TPPP: variants seen among roughly 807,000 people sequenced by gnomAD.
TPPP encodes tubulin polymerization promoting protein.
TPPP carries 6 observed loss-of-function variants against 15.5 expected under a neutral mutation model. That is an observed-to-expected ratio of 0.39 (90% CI 0.21 to 0.77). TPPP has a LOEUF of 0.77. Ranked by LOEUF, TPPP falls within the 30% of genes least tolerant of loss-of-function variation. The probability of loss-of-function intolerance (pLI) is 0.42; values close to 1 mark genes in which losing one functional copy is unlikely to be tolerated. For missense variants in TPPP, 269 were observed against 307.2 expected (o/e 0.88, Z 0.93); for synonymous variants, 146 against 133.9 (o/e 1.09, Z -0.63).
intron 1 of TPPP, among the ~76,000 whole-genome samples, chr5:683,203 T>A (rs1320908269): frequency 6.6e-6 from 1 of 152,190 alleles, no homozygotes. Context: ...TCCTCATCCT[T>A]GAAGGGGTGC....
At chr5:684,805 G>A (rs1397876325) in intron 1 of TPPP, among the ~76,000 whole-genome samples, 2 of 152,126 alleles carry the variant, frequency 1.3e-5, no homozygotes, top group African/African-American at 2.4e-5. Flanking sequence ...CCTGTGAACC[G>A]CCCCACTCTT....
intron 2 of TPPP, among the ~76,000 whole-genome samples, chr5:675,459 AGCACAG>A (rs1740391264): frequency 9.2e-5 from 3 of 32,440 alleles, no homozygotes; most frequent in African/African-American, 4.9e-4. Flanking sequence ...GCTGGGGTGC[AGCACAG>A]GGGGTGCAGT....
chr5:685,713 G>T (rs1220349527), intron 1 of TPPP, among the ~76,000 whole-genome samples: 2 of 152,226 alleles, frequency 1.3e-5, no homozygotes, highest in Non-Finnish European at 2.9e-5. Context: ...GCCCCCATCT[G>T]CAGAGTGTGG....
At chr5:675,284 A>C (rs1330736782) in intron 2 of TPPP, among the ~76,000 whole-genome samples, 3 of 74,896 alleles carry the variant, frequency 4.0e-5, no homozygotes, top group South Asian at 1.2e-3. Flanking sequence ...CAGGGGGTTC[A>C]GTGTGGCCAG....
At chr5:700,626 G>A in the TPPP span, among the ~76,000 whole-genome samples, 1 of 151,920 alleles carries the variant, frequency 6.6e-6, no homozygotes, top group Non-Finnish European at 1.5e-5. Flanking sequence ...TTGCATCTCA[G>A]AATAAGATTT....
At chr5:680,249 C>T (rs1189500499) in intron 1 of TPPP, among the ~76,000 whole-genome samples, 2 of 115,232 alleles carry the variant, frequency 1.7e-5, no homozygotes, top group African/African-American at 8.3e-5. Flanking sequence ...CGGTGGGGGC[C>T]GTGGGGGAGA....
At chr5:668,797 C>T (rs1410274206) in intron 2 of TPPP, among the ~76,000 whole-genome samples, 1 of 152,238 alleles carries the variant, frequency 6.6e-6, no homozygotes, top group African/African-American at 2.4e-5. Flanking sequence ...CAGCAGCGGC[C>T]AGACCACAGT....
intron 2 of TPPP, among the ~76,000 whole-genome samples, chr5:669,662 G>C (rs1740127510): frequency 1.3e-5 from 2 of 152,146 alleles, no homozygotes; most frequent in Admixed American, 6.5e-5. Context: ...CTCGGCGGGA[G>C]GGGGATGGCT....
At chr5:678,819 G>C (rs1740535815) in intron 1 of TPPP, among the ~76,000 whole-genome samples, 1 of 152,340 alleles carries the variant, frequency 6.6e-6, no homozygotes, top group Non-Finnish European at 1.5e-5. Context: ...GGGCCATGGG[G>C]TTGAGAAGAC....
At chr5:671,569 A>G (rs1192096745) in intron 2 of TPPP, among the ~76,000 whole-genome samples, 1 of 152,192 alleles carries the variant, frequency 6.6e-6, no homozygotes, top group Non-Finnish European at 1.5e-5. Context: ...AGCGCAGGAG[A>G]CGGGTGCCTG....
the TPPP span, among the ~76,000 whole-genome samples, chr5:698,842 TG>T: frequency 6.6e-6 from 1 of 152,008 alleles, no homozygotes; most frequent in Non-Finnish European, 1.5e-5. Context: ...ACAAAATTAA[TG>T]TACAGAAATC....
chr5:682,663 C>G (rs1212271018), intron 1 of TPPP, among the ~76,000 whole-genome samples: 1 of 152,240 alleles, frequency 6.6e-6, no homozygotes, highest in Non-Finnish European at 1.5e-5. Flanking sequence ...GAGCCTGTAA[C>G]TAGGGCCTGG....
chr5:685,909 C>T (rs1040906493), intron 1 of TPPP, among the ~76,000 whole-genome samples: 1 of 152,194 alleles, frequency 6.6e-6, no homozygotes, highest in Admixed American at 6.5e-5. Context: ...ATGGAACATT[C>T]CAGAGCACTA....
the TPPP span, among the ~76,000 whole-genome samples, chr5:698,907 C>T: frequency 1.3e-5 from 2 of 151,950 alleles, no homozygotes; most frequent in Non-Finnish European, 2.9e-5. Context: ...ATCAGGAAGG[C>T]AATCTCATTT....
chr5:698,423 C>T, the TPPP span, among the ~76,000 whole-genome samples: 17 of 152,000 alleles, frequency 1.1e-4, no homozygotes, highest in Admixed American at 5.9e-4. Flanking sequence ...ACCCTGAAGA[C>T]TTGTATCACT....
intron 2 of TPPP, chr5:676,348 G>A (rs751751427): frequency 2.6e-5 from 4 of 152,238 alleles, no homozygotes; most frequent in African/African-American, 9.7e-5. Flanking sequence ...CAGCAGAGAC[G>A]GAACAGCTGC....
At chr5:665,417 C>A (rs1739855242) in intron 3 of TPPP, 121 bp from the exon 4 acceptor site, 2 of 913,372 alleles carry the variant, frequency 2.2e-6, no homozygotes, top group Admixed American at 2.8e-5. Context: ...GGGCATAAAC[C>A]CTGGGATTTA....
At position 665,291 on chromosome 5, in the gene TPPP, G is replaced by A; in HGVS notation, c.471C>T (p.Ala157=). Residue 157 remains alanine, a synonymous_variant, in exon 4 of 4, where the codon GCC becomes GCT. Coordinates refer to ENST00000360578, the MANE Select transcript of TPPP (RefSeq NM_007030.3). The stretch of plus-strand genomic sequence containing the variant: ...GCCTCGACACTGTGGGCGACGAGAT[G>A]GCTTTCTGCAAGAGGAGCAGGAGGA... The part of the protein sequence containing the change: ...KAPIISGVTK[A]ISSPTVSRLT... 1 of 1,612,442 alleles carries A rather than the reference G, an allele frequency of 6.2e-7. No homozygotes were observed. The highest frequency in any genetic ancestry group is 8.5e-7 in the Non-Finnish European group (1 of 1,179,454).
intron 2 of TPPP, among the ~76,000 whole-genome samples, chr5:672,589 G>C (rs146077670): frequency 0.012 from 1,847 of 152,346 alleles, 44 homozygotes; most frequent in African/African-American, 0.043. Flanking sequence ...CCAGAGGCTG[G>C]TGGTGTTTGG....
Sources: allele counts gnomAD v4.1 joint callset (sites outside exome capture counted in the v4.1 genomes callset), GRCh38; gene constraint gnomAD v4.1.1; transcripts MANE v1.5; gene names NCBI Gene and HGNC (gene_info 2026-07-23, HGNC 2026-07-21).